Variants in RASGRP3 observed in about 807,000 individuals in gnomAD.
The protein encoded by RASGRP3 is RAS guanyl releasing protein 3, also known as ras guanyl-releasing protein 3.
Under a neutral mutation model 82.7 loss-of-function variants are expected in RASGRP3, and 54 were observed. The ratio of observed to expected loss-of-function variants is 0.65; its 90% CI spans 0.52 to 0.82. The LOEUF is 0.82. Among genes scored for constraint, RASGRP3 ranks in the 40% least tolerant of loss-of-function variants. The probability of loss-of-function intolerance (pLI) is 0.00; values close to 1 mark genes in which losing one functional copy is unlikely to be tolerated. For missense variants in RASGRP3, 861 were observed against 828.9 expected, an observed-to-expected ratio of 1.04 and a Z score of -0.48; for synonymous variants, 309 against 300.5, an observed-to-expected ratio of 1.03 and a Z score of -0.29.
At chr2:33,479,916 CAGG>C (rs1265600803) in intron 1 of RASGRP3, among the ~76,000 whole-genome samples, 2 of 152,022 alleles carry the variant, frequency 1.3e-5, no homozygotes, top group African/African-American at 2.4e-5. Flanking sequence ...TTTTATTAAT[CAGG>C]AGGAAAATCA....
At chr2:33,548,528 C>T (rs1212963929) in intron 13 of RASGRP3, among the ~76,000 whole-genome samples, 5 of 151,776 alleles carry the variant, frequency 3.3e-5, no homozygotes, top group East Asian at 1.9e-4. Flanking sequence ...AGGAGAGTCC[C>T]GGGGAGGCTG....
At chr2:33,470,490 C>G (rs1003843322) in intron 2 of RASGRP3, among the ~76,000 whole-genome samples, 23 of 151,724 alleles carry the variant, frequency 1.5e-4, no homozygotes, top group African/African-American at 5.1e-4. Context: ...CGCCATTTTC[C>G]TGCCTCAGCC....
At chr2:33,463,078 G>C (rs529822303) in intron 2 of RASGRP3, among the ~76,000 whole-genome samples, 1 of 152,292 alleles carries the variant, frequency 6.6e-6, no homozygotes, top group Admixed American at 6.5e-5. Flanking sequence ...TGCGTTTATA[G>C]GAGTGAGAGC....
In RASGRP3 at chr2:33,556,499, G is replaced by T; in HGVS notation, c.1579+932G>T. Among the ~76,000 whole-genome samples the T allele has an allele frequency of 2.3e-5, 2 of 87,370 alleles. 1 individual carries two copies. Among genetic ancestry groups the T allele is most frequent in the South Asian group, 6.9e-4 (2 of 2,894 alleles). 57.3% of individuals were successfully genotyped at this position (87,370 alleles called of 152,430 possible). Reference sequence around the variant, plus strand: ...CCTGACCTCATGATCCACCCGCCTCGGCCTCCCAAAGTGCTGGGATTACAG... The same window carrying T: ...CCTGACCTCATGATCCACCCGCCTCTGCCTCCCAAAGTGCTGGGATTACAG... On this transcript the variant is annotated intron_variant, in intron 15 of 17. Coordinates refer to ENST00000403687, the MANE Select transcript of RASGRP3 (RefSeq NM_001139488.2).
intron 2 of RASGRP3, among the ~76,000 whole-genome samples, chr2:33,462,038 G>A (rs981763304): frequency 6.6e-6 from 1 of 152,180 alleles, no homozygotes; most frequent in Non-Finnish European, 1.5e-5. Context: ...AAGAGCAAAA[G>A]CGATTAACTG....
chr2:33,492,014 G>A (rs1668886454), intron 1 of RASGRP3, among the ~76,000 whole-genome samples: 1 of 152,234 alleles, frequency 6.6e-6, no homozygotes, highest in Non-Finnish European at 1.5e-5. Flanking sequence ...CTGCAAAAGA[G>A]AAAACCTGTT....
chr2:33,440,487 T>G (rs1478469752), intron 1 of RASGRP3, among the ~76,000 whole-genome samples: 1 of 152,246 alleles, frequency 6.6e-6, no homozygotes, highest in East Asian at 1.9e-4. Flanking sequence ...CCTCTGGCTC[T>G]AGATTCACTT....
chr2:33,520,984 A>C (rs572692263), intron 6 of RASGRP3, among the ~76,000 whole-genome samples: 1 of 152,362 alleles, frequency 6.6e-6, no homozygotes, highest in South Asian at 2.1e-4. Flanking sequence ...AGTGTTAGTT[A>C]CTGAGTCTGA....
chr2:33,478,301 G>T (rs1667558850), intron 1 of RASGRP3, among the ~76,000 whole-genome samples: 1 of 152,194 alleles, frequency 6.6e-6, no homozygotes, highest in Non-Finnish European at 1.5e-5. Context: ...CAACTTCTCT[G>T]TTCCTCGGTA....
At chr2:33,522,228 T>A in intron 7 of RASGRP3, 126 bp downstream of exon 7, 1 of 1,015,076 alleles carries the variant, frequency 9.9e-7, no homozygotes, top group Non-Finnish European at 1.4e-6. Context: ...GAAGTGCCCT[T>A]AATTCACAGG....
Position 33,527,339 on chromosome 2 carries a change from TGA to T in RASGRP3, c.1012_1013del (p.Ser338Ter), listed in dbSNP as rs1391254123. 1 of 1,613,890 alleles carries T rather than the reference TGA, an allele frequency of 6.2e-7. No homozygotes were observed. Among genetic ancestry groups the T allele is most frequent in the Non-Finnish European group, 8.5e-7 (1 of 1,179,768 alleles). The stretch of plus-strand genomic sequence containing the variant: ...AAAATGCACCAGCTCTCCGTTACCC[TGA>T]GTGAACTAGTCTCCCTGCAGAATGC... On this transcript the variant is annotated frameshift_variant, in exon 10 of 18. Coordinates refer to ENST00000403687, the MANE Select transcript of RASGRP3 (RefSeq NM_001139488.2). LOFTEE classifies it high-confidence loss of function.
chr2:33,477,335 C>T (rs1236751056), intron 1 of RASGRP3, among the ~76,000 whole-genome samples: 1 of 152,106 alleles, frequency 6.6e-6, no homozygotes, highest in Non-Finnish European at 1.5e-5. Context: ...TATTTTATAG[C>T]GACTTTTTTT....
intron 10 of RASGRP3, among the ~76,000 whole-genome samples, chr2:33,528,625 C>G (rs955506112): frequency 6.6e-6 from 1 of 152,174 alleles, no homozygotes; most frequent in Non-Finnish European, 1.5e-5. Context: ...GCCTAAATCC[C>G]CTAGGTCTGC....
intron 13 of RASGRP3, among the ~76,000 whole-genome samples, chr2:33,547,440 G>C (rs1462166429): frequency 7.2e-6 from 1 of 138,838 alleles, no homozygotes; most frequent in East Asian, 2.1e-4. Flanking sequence ...TGCATAGGAG[G>C]TAAGAAAGGG....
upstream of RASGRP3, among the ~76,000 whole-genome samples, chr2:33,476,074 C>T (rs1202108222): frequency 6.6e-6 from 1 of 152,176 alleles, no homozygotes; most frequent in Non-Finnish European, 1.5e-5. Context: ...TTAGCAGCCC[C>T]GGCCTTTGAA....
At chr2:33,503,353 A>G (rs1010626093) in intron 1 of RASGRP3, among the ~76,000 whole-genome samples, 3 of 152,094 alleles carry the variant, frequency 2.0e-5, no homozygotes, top group African/African-American at 7.2e-5. Context: ...CTTTTTTTGT[A>G]GGTATGGACT....
chr2:33,472,304 C>T (rs892707167), upstream of RASGRP3, among the ~76,000 whole-genome samples: 1 of 152,140 alleles, frequency 6.6e-6, no homozygotes, highest in Non-Finnish European at 1.5e-5. Context: ...GCAACCGCAG[C>T]GAAATGTACA....
upstream of RASGRP3, among the ~76,000 whole-genome samples, chr2:33,475,817 C>G (rs575242772): frequency 6.6e-6 from 1 of 152,318 alleles, no homozygotes; most frequent in East Asian, 1.9e-4. Context: ...CAGTTTGCTC[C>G]AAGTTCCCAG....
intron 2 of RASGRP3, among the ~76,000 whole-genome samples, chr2:33,513,714 G>A (rs1283659146): frequency 1.3e-5 from 2 of 152,210 alleles, no homozygotes; most frequent in Non-Finnish European, 2.9e-5. Flanking sequence ...CTATCCAGCA[G>A]CGATGCTTTT....
Sources: gnomAD v4.1 joint callset for allele counts (sites outside exome capture counted in the v4.1 genomes callset) on GRCh38, gnomAD v4.1.1 for gene constraint, MANE v1.5 for transcripts, NCBI Gene and HGNC (gene_info 2026-07-23, HGNC 2026-07-21) for gene names.